Variants in TNN observed in about 807,000 individuals in gnomAD.
The protein encoded by TNN is tenascin-N.
A neutral mutation model predicts 134.4 loss-of-function variants in TNN; 122 were observed. The ratio of observed to expected loss-of-function variants is 0.91; its 90% CI spans 0.78 to 1.06. The LOEUF (loss-of-function observed/expected upper bound fraction) is 1.06, where lower values mean the gene tolerates loss of function less well. TNN is among the 50% of genes least tolerant of loss of function. The probability of loss-of-function intolerance (pLI) is 0.00; values close to 1 mark genes in which losing one functional copy is unlikely to be tolerated. For missense variants in TNN, 1,739 were observed against 1,699.4 expected, an observed-to-expected ratio of 1.02 and a Z score of -0.41; for synonymous variants, 710 against 670.3, an observed-to-expected ratio of 1.06 and a Z score of -0.91.
intron 1 of TNN, among the ~76,000 whole-genome samples, chr1:175,076,919 T>C (rs1010737700): frequency 8.5e-5 from 13 of 152,204 alleles, no homozygotes; most frequent in Admixed American, 2.6e-4. Flanking sequence ...ATTGTGAGAA[T>C]GGAATGAGTT....
In TNN at chr1:175,080,271, TG is replaced by T; in HGVS notation, c.897del (p.Lys300ArgfsTer29). ...VDHYLLSYYP[L>X]GKELSGKQIQ... ...CACTACCTCCTCAGCTACTACCCCC[TG>T]GGGAAGGAGCTCTCTGGGAAGCAGA... On this transcript the variant is annotated frameshift_variant, in exon 4 of 19. Transcript: ENST00000239462. LOFTEE classifies it high-confidence loss of function. The T allele has an allele frequency of 6.2e-7, 1 of 1,613,936 alleles. No individual in the cohort carries two copies. The highest frequency in any genetic ancestry group is 8.5e-7 in the Non-Finnish European group (1 of 1,179,916).
rs1286633288 is a variant in TNN at position 175,135,035 on chromosome 1, A to G, written c.3331-810A>G. Among the ~76,000 whole-genome samples, 3 of 152,028 alleles carry G rather than the reference A, an allele frequency of 2.0e-5. No homozygotes were observed. The South Asian group carries it at 6.2e-4, about 32-fold the overall frequency. ...CAGCCTCCCTTTCCATCCCTTCCTC[A>G]GCCCCCAGAAGCCCCAACATTCACC... On this transcript the variant is annotated intron_variant, in intron 15 of 18. Transcript: ENST00000239462.
intron 9 of TNN, among the ~76,000 whole-genome samples, chr1:175,109,130 G>GGCCA (rs1674952251): frequency 8.6e-6 from 1 of 116,494 alleles, no homozygotes; most frequent in Admixed American, 9.7e-5. Context: ...CGCCCAGGCC[G>GGCCA]GACTGCGGAC....
At chr1:175,085,384 G>T (rs772065860) in intron 5 of TNN, 21 bp from the exon 6 acceptor site, 2 of 1,544,334 alleles carry the variant, frequency 1.3e-6, no homozygotes, top group South Asian at 2.3e-5. Flanking sequence ...CTCACATCCT[G>T]CGCTGCCTGC....
At chr1:175,084,975 C>G (rs1027446311) in intron 5 of TNN, among the ~76,000 whole-genome samples, 4 of 152,134 alleles carry the variant, frequency 2.6e-5, no homozygotes. Context: ...CTGAGTGACA[C>G]AGTGAGATCC....
rs1674635241 is a variant in TNN, at chr1:175,098,559, C to G, written c.2083C>G (p.Gln695Glu). The change falls in exon 9 of 19, where the codon CAG (glutamine) becomes GAG (glutamate). Residue 695 changes from glutamine (Q) to glutamate (E), a missense_variant. Physicochemically the swap from Gln to Glu is conservative, Grantham distance 29 (BLOSUM62 2). Transcript: ENST00000239462. Reference protein sequence around the residue: ...MVHVWAQKGDQESKKADTKAQ... With the variant: ...MVHVWAQKGDEESKKADTKAQ... The stretch of plus-strand genomic sequence containing the variant: ...GCACGTGTGGGCCCAGAAGGGGGAC[C>G]AGGAGAGCAAGAAGGCCGACACCAA... 6.2e-7 allele frequency: 1 copy of G among 1,614,090 alleles called. No homozygotes were observed. The highest frequency in any genetic ancestry group is 1.3e-5 in the African/African-American group (1 of 75,004).
intron 9 of TNN, among the ~76,000 whole-genome samples, chr1:175,106,844 C>G (rs1464729934): frequency 6.9e-6 from 1 of 145,766 alleles, no homozygotes; most frequent in Non-Finnish European, 1.5e-5. Context: ...ACGGTCCCAA[C>G]TCCAAAGAGT....
chr1:175,074,786 A>G (rs934194078), intron 1 of TNN, among the ~76,000 whole-genome samples: 1 of 152,224 alleles, frequency 6.6e-6, no homozygotes, highest in Non-Finnish European at 1.5e-5. Context: ...TGGGTACAAC[A>G]TGTATAATGG....
At chr1:175,083,022 C>T (rs1273716853) in intron 4 of TNN, among the ~76,000 whole-genome samples, 3 of 151,676 alleles carry the variant, frequency 2.0e-5, no homozygotes, top group East Asian at 1.9e-4. Flanking sequence ...AACATTTAGC[C>T]GTTAATACTT....
chr1:175,118,295 T>G (rs1675238501), intron 10 of TNN, among the ~76,000 whole-genome samples: 1 of 152,068 alleles, frequency 6.6e-6, no homozygotes, highest in Admixed American at 6.5e-5. Flanking sequence ...CCTTACTAGA[T>G]GAATAAAAGA....
At chr1:175,112,385 C>A (rs1675051480) in intron 9 of TNN, among the ~76,000 whole-genome samples, 1 of 151,824 alleles carries the variant, frequency 6.6e-6, no homozygotes, top group Non-Finnish European at 1.5e-5. Context: ...ACATAATAAC[C>A]TCCTTTGCCT....
chr1:175,141,102 T>C (rs748746194), intron 17 of TNN, among the ~76,000 whole-genome samples: 5 of 152,174 alleles, frequency 3.3e-5, no homozygotes, highest in Non-Finnish European at 5.9e-5. Context: ...ACTTTTGACT[T>C]CCACTCAAGT....
At chr1:175,137,397 T>TGTGTGTGTGTGTGA (rs10638677) in intron 17 of TNN, among the ~76,000 whole-genome samples, 6,883 of 149,388 alleles carry the variant, frequency 0.046, 171 homozygotes, top group South Asian at 0.058. Context: ...TGTGTGATTA[T>TGTGTGTGTGTGTGA]TTGAGCTTTT....
intron 12 of TNN, among the ~76,000 whole-genome samples, chr1:175,125,802 C>T (rs1244815645): frequency 2.2e-5 from 3 of 136,504 alleles, no homozygotes; most frequent in East Asian, 4.3e-4. Context: ...TCTCTCCTTC[C>T]TTCCTTCCCT....
Position 175,128,067 on chromosome 1 carries a change from G to A in TNN, c.3081G>A (p.Ala1027=), listed in dbSNP as rs368089539. The A allele has an allele frequency of 3.6e-5, 58 of 1,614,004 alleles. 1 individual carries two copies. The highest frequency in any genetic ancestry group is 6.6e-5 in the South Asian group (6 of 91,090). ...TGGGACGGGAAGACCAGAGGTTTGC[G>A]TTGCAAGGCCTTGAGCAAGGCGCCA... ...MQLGREDQRF[A]LQGLEQGATY... is the part of the protein sequence containing the mutation. The change falls in exon 14 of 19, where the codon GCG becomes GCA. Residue 1027 remains alanine (A), a synonymous_variant. Transcript: ENST00000239462.
At chr1:175,115,635 G>A (rs1002102512) in intron 9 of TNN, among the ~76,000 whole-genome samples, 3 of 152,130 alleles carry the variant, frequency 2.0e-5, no homozygotes, top group Non-Finnish European at 4.4e-5. Context: ...CTCACCCCGA[G>A]AGCAAGACAC....
intron 11 of TNN, among the ~76,000 whole-genome samples, chr1:175,122,885 G>A (rs1675413241): frequency 6.6e-6 from 1 of 152,206 alleles, no homozygotes; most frequent in Non-Finnish European, 1.5e-5. Context: ...CTGCAGCAAA[G>A]TCCTTGAGAG....
chr1:175,102,100 G>A (rs1033958508), intron 9 of TNN, among the ~76,000 whole-genome samples: 2 of 145,420 alleles, frequency 1.4e-5, no homozygotes, highest in Non-Finnish European at 3.1e-5. Flanking sequence ...CACCAGAGCA[G>A]CTAGATACAG....
chr1:175,134,802 T>A (rs1347387404), intron 15 of TNN, among the ~76,000 whole-genome samples: 1 of 152,116 alleles, frequency 6.6e-6, no homozygotes, highest in East Asian at 1.9e-4. Context: ...CCCCTTCATC[T>A]GCACTCTACA....
Sources: allele counts gnomAD v4.1 joint callset (sites outside exome capture counted in the v4.1 genomes callset), GRCh38; gene constraint gnomAD v4.1.1; transcripts MANE v1.5; gene names NCBI Gene and HGNC (gene_info 2026-07-23, HGNC 2026-07-21).